FHIP2A: variants seen among roughly 807,000 people sequenced by gnomAD.
The protein encoded by FHIP2A is family with sequence similarity 160 member B1.
In FHIP2A, 46 loss-of-function variants were observed where a neutral mutation model predicts 93.5. That is an observed-to-expected ratio of 0.49 (90% CI 0.39 to 0.63). FHIP2A has a LOEUF of 0.63. Among genes scored for constraint, FHIP2A ranks in the 20% least tolerant of loss-of-function variants. The pLI, the probability that FHIP2A is intolerant of heterozygous loss-of-function variation, is 0.00. For missense variants in FHIP2A, 769 were observed against 909.7 expected (o/e 0.85, Z 1.99); for synonymous variants, 332 against 326.5 (o/e 1.02, Z -0.18).
chr10:114,834,397 C>T (rs574545159), intron 3 of FHIP2A, among the ~76,000 whole-genome samples: 3 of 152,114 alleles, frequency 2.0e-5, no homozygotes, highest in East Asian at 1.9e-4. Context: ...AGTAATTGTA[C>T]GTCTAGTAAA....
chr10:114,875,853 A>AAGAAAAAGAAAGAAAGAAAGAG lies in FHIP2A; in HGVS notation c.2192+14520_2192+14521insGAAAAAGAAAGAAAGAAAGAGA, dbSNP rs750547644. ...AAGGTAAGAGAGAAAGAAAGAAAGA[A>AAGAAAAAGAAAGAAAGAAAGAG]AAAGAAAGAAAGAAAGAGAAAGAAA... is the stretch of plus-strand genomic sequence containing the variant. On this transcript the variant is annotated intron_variant, in intron 16 of 16. Transcript: ENST00000369250. 2.3e-3 allele frequency among the ~76,000 whole-genome samples: 326 copies of AAGAAAAAGAAAGAAAGAAAGAG among 143,802 alleles called. 10 individuals carry two copies. The highest frequency in any genetic ancestry group is 7.9e-3 in the African/African-American group (295 of 37,160). The allele number at this position is 143,802 out of a possible 152,430, so 94.3% of individuals were successfully genotyped here. A position where few individuals can be genotyped will look rare whatever the true frequency, so the allele number is the denominator to read the frequency against.
intron 13 of FHIP2A, among the ~76,000 whole-genome samples, chr10:114,849,716 G>A (rs976945791): frequency 6.6e-6 from 1 of 152,096 alleles, no homozygotes; most frequent in African/African-American, 2.4e-5. Context: ...CCAGAAGATT[G>A]CTATCACCCC....
Position 114,863,768 on chromosome 10 carries a change from C to T in FHIP2A, c.*2228C>T. On this transcript the variant is annotated 3_prime_UTR_variant, in exon 17 of 17. Coordinates refer to ENST00000369248, the MANE Select transcript of FHIP2A (RefSeq NM_020940.4). The stretch of plus-strand genomic sequence containing the variant: ...AGCTGAATATTTCTGTTACTCAGTA[C>T]TTGCAAAAACAGTAACTAAAATGCA... 3 of 1,266,726 alleles carry T rather than the reference C, an allele frequency of 2.4e-6. No homozygotes were observed. Among genetic ancestry groups the T allele is most frequent in the Non-Finnish European group, 3.1e-6 (3 of 974,988 alleles). The allele number at this position is 1,266,726 out of a possible 1,614,324, so 78.5% of individuals were successfully genotyped here.
chr10:114,894,513 G>A (rs933465111), intron 16 of FHIP2A, among the ~76,000 whole-genome samples: 3 of 152,184 alleles, frequency 2.0e-5, no homozygotes, highest in African/African-American at 7.2e-5. Flanking sequence ...AGGCTGCAGT[G>A]AGCGGTGATT....
At chr10:114,873,197 A>G (rs1424130095) in intron 16 of FHIP2A, among the ~76,000 whole-genome samples, 1 of 152,150 alleles carries the variant, frequency 6.6e-6, no homozygotes, top group African/African-American at 2.4e-5. Flanking sequence ...AAGAGTTTCC[A>G]TATATTTTTG....
downstream of FHIP2A, among the ~76,000 whole-genome samples, chr10:114,865,258 G>A (rs2083822960): frequency 1.3e-5 from 2 of 152,116 alleles, no homozygotes; most frequent in Non-Finnish European, 2.9e-5. Context: ...AAAGTGCTGG[G>A]ATTACAGGTG....
chr10:114,874,594 C>T (rs998157857), intron 16 of FHIP2A, among the ~76,000 whole-genome samples: 1 of 152,136 alleles, frequency 6.6e-6, no homozygotes, highest in African/African-American at 2.4e-5. Flanking sequence ...CCTCCGCCTC[C>T]CGGGTTCAAG....
chr10:114,853,259 C>T (rs2083747148), intron 13 of FHIP2A, among the ~76,000 whole-genome samples: 3 of 152,032 alleles, frequency 2.0e-5, no homozygotes, highest in Non-Finnish European at 2.9e-5. Flanking sequence ...TAAAATATTT[C>T]AAAATTTGAA....
intron 2 of FHIP2A, among the ~76,000 whole-genome samples, chr10:114,831,253 AG>A (rs1657526337): frequency 6.6e-6 from 1 of 152,230 alleles, no homozygotes; most frequent in Non-Finnish European, 1.5e-5. Context: ...TCAGATGATA[AG>A]CGTCAAGGGA....
chr10:114,825,945 A>G (rs1042671911), intron 1 of FHIP2A, among the ~76,000 whole-genome samples: 1 of 152,240 alleles, frequency 6.6e-6, no homozygotes, highest in Non-Finnish European at 1.5e-5. Flanking sequence ...AATGGAAGTC[A>G]TCTTTCAGAA....
chr10:114,866,210 T>TA (rs1329254951), downstream of FHIP2A, among the ~76,000 whole-genome samples: 8 of 147,844 alleles, frequency 5.4e-5, no homozygotes, highest in African/African-American at 2.0e-4. Context: ...AGTGAGAACA[T>TA]ACAGTGTTTG....
At chr10:114,879,636 C>T (rs1434912943) in intron 16 of FHIP2A, among the ~76,000 whole-genome samples, 5 of 152,042 alleles carry the variant, frequency 3.3e-5, no homozygotes, top group South Asian at 2.1e-4. Context: ...TCATAAGAAG[C>T]GGTGGGCATC....
At position 114,843,724 on chromosome 10, in the gene FHIP2A, A is replaced by ATT; in HGVS notation, c.817-9_817-8dup. ...TATACAATTCAAGAATTGAAGGGGG[A>ATT]TTTTTTTTTCCTTTAGGATGGCAGA... is the stretch of plus-strand genomic sequence containing the variant. On this transcript the variant is annotated splice_polypyrimidine_tract_variant and intron_variant, in intron 6 of 16. Coordinates refer to ENST00000369248, the MANE Select transcript of FHIP2A (RefSeq NM_020940.4). The ATT allele has an allele frequency of 6.8e-7, 1 of 1,465,306 alleles. No individual in the cohort carries two copies. The highest frequency in any genetic ancestry group is 9.0e-7 in the Non-Finnish European group (1 of 1,105,458). 90.8% of individuals were successfully genotyped at this position (1,465,306 alleles called of 1,614,324 possible).
rs894651663 is a variant in FHIP2A, at chr10:114,821,968, G to A, written c.-111G>A. On this transcript the variant is annotated 5_prime_UTR_variant, in exon 1 of 17. Coordinates refer to ENST00000369248, the MANE Select transcript of FHIP2A (RefSeq NM_020940.4). ...ATCCTCAGCTCGTCCTCCCCGCCCC[G>A]CACCGGCCTTCACTCTGGAGCGGCC... The A allele has an allele frequency of 4.9e-5, 28 of 570,576 alleles. No individual in the cohort carries two copies. Among genetic ancestry groups the A allele is most frequent in the Non-Finnish European group, 6.7e-5 (26 of 389,426 alleles). 35.3% of individuals were successfully genotyped at this position (570,576 alleles called of 1,614,324 possible). A position where few individuals can be genotyped will look rare whatever the true frequency, so the allele number is the denominator to read the frequency against.
chr10:114,872,644 C>A, intron 16 of FHIP2A, among the ~76,000 whole-genome samples: 1 of 152,148 alleles, frequency 6.6e-6, no homozygotes, highest in African/African-American at 2.4e-5. Context: ...GGGACAGTGA[C>A]AGTTTATGCC....
In FHIP2A at chr10:114,864,541, A is replaced by G. The variant is rs2083819159; in HGVS notation, c.*3001A>G. 1.1e-5 allele frequency: 11 copies of G among 985,828 alleles called. No homozygotes were observed. The highest frequency in any genetic ancestry group is 1.3e-5 in the Non-Finnish European group (11 of 829,928). The allele number at this position is 985,828 out of a possible 1,614,324, so 61.1% of individuals were successfully genotyped here. ...GTATTGAAAGTTGTGTAGGTTACTG[A>G]CAGTGTTACCAGCGTCTGGAATTCT... On this transcript the variant is annotated 3_prime_UTR_variant, in exon 17 of 17. Coordinates refer to ENST00000369248, the MANE Select transcript of FHIP2A (RefSeq NM_020940.4).
chr10:114,899,748 G>C, exon 17 of FHIP2A: 1 of 448,748 alleles, frequency 2.2e-6, no homozygotes, highest in Non-Finnish European at 3.9e-6. Context: ...AAATCAGGGG[G>C]CTATTACTGG....
chr10:114,825,749 G>T (rs1340073182), intron 1 of FHIP2A, among the ~76,000 whole-genome samples: 4 of 152,222 alleles, frequency 2.6e-5, no homozygotes, highest in Admixed American at 2.0e-4. Flanking sequence ...TTCTTCAAAA[G>T]ATAGATAAAA....
At position 114,848,539 on chromosome 10, in the gene FHIP2A, A is replaced by G. The variant is rs7069726; in HGVS notation, c.1713-108A>G. On this transcript the variant is annotated intron_variant, in intron 12 of 16. Transcript: ENST00000369248. ...TAGATGCTTTAGTACTTATAAAGTT[A>G]TTATTGAATTATGAGAGTATTGATT... 2,697 of 659,522 alleles carry G rather than the reference A, an allele frequency of 4.1e-3. 53 individuals are homozygous for G. In the African/African-American group the frequency reaches 0.042, roughly 10 times the overall value. 40.9% of individuals were successfully genotyped at this position (659,522 alleles called of 1,614,324 possible).
Sources: allele counts gnomAD v4.1 joint callset (sites outside exome capture counted in the v4.1 genomes callset), GRCh38; gene constraint gnomAD v4.1.1; transcripts MANE v1.5; gene names NCBI Gene and HGNC (gene_info 2026-07-23, HGNC 2026-07-21).